Variants in DNAH14 observed in about 807,000 individuals in gnomAD.
DNAH14 encodes axonemal beta dynein heavy chain 14.
Under a neutral mutation model 520.9 loss-of-function variants are expected in DNAH14, and 478 were observed. The ratio of observed to expected loss-of-function variants is 0.92; its 90% CI spans 0.85 to 0.99. The LOEUF (loss-of-function observed/expected upper bound fraction) is 0.99, where lower values mean the gene tolerates loss of function less well. Among genes scored for constraint, DNAH14 ranks in the 50% least tolerant of loss-of-function variants. DNAH14 has a pLI of 0.00. For missense variants in DNAH14, 4,831 were observed against 5,234.5 expected (o/e 0.92, Z 2.38); for synonymous variants, 1,581 against 1,757.2 (o/e 0.90, Z 2.51).
intron 7 of DNAH14, among the ~76,000 whole-genome samples, chr1:224,972,752 A>G (rs2061576368): frequency 1.3e-5 from 2 of 152,054 alleles, no homozygotes; most frequent in Non-Finnish European, 2.9e-5. Flanking sequence ...GGTGTGAGCC[A>G]CCGCGCTTGG....
At chr1:224,978,393 A>G (rs985402479) in intron 8 of DNAH14, among the ~76,000 whole-genome samples, 1 of 152,238 alleles carries the variant, frequency 6.6e-6, no homozygotes, top group Non-Finnish European at 1.5e-5. Context: ...TGTTAAGTTA[A>G]ATAAGTCAGG....
intron 60 of DNAH14, among the ~76,000 whole-genome samples, chr1:225,315,586 T>C (rs1456478808): frequency 6.6e-6 from 1 of 152,198 alleles, no homozygotes; most frequent in Non-Finnish European, 1.5e-5. Context: ...TTTATCTACC[T>C]GTGGTCTTTG....
chr1:225,240,925 T>A, intron 43 of DNAH14, 103 bp downstream of exon 43: 2 of 923,858 alleles, frequency 2.2e-6, no homozygotes, highest in Admixed American at 2.9e-5. Flanking sequence ...AATGTTAAGA[T>A]TGAAGGAAAA....
chr1:225,077,148 C>T (rs181237432), intron 17 of DNAH14, among the ~76,000 whole-genome samples: 21 of 152,258 alleles, frequency 1.4e-4, no homozygotes, highest in Admixed American at 1.2e-3. Context: ...TTATCAAATG[C>T]TTATTCATTA....
At chr1:225,051,978 A>G (rs570751010) in intron 17 of DNAH14, among the ~76,000 whole-genome samples, 183 bp downstream of exon 17, 2 of 152,328 alleles carry the variant, frequency 1.3e-5, no homozygotes, top group South Asian at 4.1e-4. Flanking sequence ...ATTTGTTTGT[A>G]TCTTTGATAA....
intron 38 of DNAH14, among the ~76,000 whole-genome samples, chr1:225,201,255 T>C (rs1031075456): frequency 5.9e-5 from 9 of 152,110 alleles, no homozygotes; most frequent in Non-Finnish European, 1.3e-4. Context: ...ATTAAAAATG[T>C]ATCCCCTCAT....
intron 1 of DNAH14, among the ~76,000 whole-genome samples, chr1:224,942,304 C>T (rs1291824514): frequency 6.6e-6 from 1 of 151,686 alleles, no homozygotes; most frequent in Non-Finnish European, 1.5e-5. Context: ...ATTTGGCTCT[C>T]TGTCCGTTAT....
chr1:225,206,106 G>A lies in DNAH14; in HGVS notation c.6113G>A (p.Arg2038Lys). Reference sequence around the variant, plus strand: ...AGAATAGCTTTAACTAATAAAATAAGAGTGATTTTTGAAGTGGACAATCTC... The same window carrying A: ...AGAATAGCTTTAACTAATAAAATAAAAGTGATTTTTGAAGTGGACAATCTC... Reference protein sequence around the residue: ...SERIALTNKIRVIFEVDNLSQ... With the variant: ...SERIALTNKIKVIFEVDNLSQ... The change falls in exon 40 of 86, where the codon AGA (arginine) becomes AAA (lysine). Residue 2038 changes from arginine to lysine, a missense_variant. Physicochemically the swap from Arg to Lys is conservative, Grantham distance 26. Coordinates refer to ENST00000682510, the MANE Select transcript of DNAH14 (RefSeq NM_001367479.1). The A allele has an allele frequency of 6.4e-7, 1 of 1,551,502 alleles. No individual in the cohort carries two copies. Among genetic ancestry groups the A allele is most frequent in the Non-Finnish European group, 8.7e-7 (1 of 1,146,842 alleles).
At chr1:225,269,688 A>T (rs376751947) in intron 49 of DNAH14, among the ~76,000 whole-genome samples, 1 of 152,202 alleles carries the variant, frequency 6.6e-6, no homozygotes, top group Non-Finnish European at 1.5e-5. Context: ...CAGACACTTC[A>T]CAAAAGAAGA....
At chr1:225,347,992 C>T (rs1381086328) in intron 71 of DNAH14, among the ~76,000 whole-genome samples, 5 of 151,976 alleles carry the variant, frequency 3.3e-5, no homozygotes, top group African/African-American at 1.2e-4. Flanking sequence ...TTAAATGATG[C>T]ATGAACAAAA....
At chr1:225,039,983 G>A (rs2067318665) in intron 12 of DNAH14, among the ~76,000 whole-genome samples, 2 of 146,918 alleles carry the variant, frequency 1.4e-5, no homozygotes, top group African/African-American at 5.1e-5. Context: ...TGTCTCCCAG[G>A]CTGGAGTGCT....
At chr1:225,078,182 G>A (rs773639796) in intron 17 of DNAH14, among the ~76,000 whole-genome samples, 19 of 152,238 alleles carry the variant, frequency 1.2e-4, no homozygotes, top group Middle Eastern at 3.4e-3. Context: ...ATAATGGGAC[G>A]TGGAATCAAT....
At chr1:225,322,164 C>T (rs1330262358) in intron 61 of DNAH14, among the ~76,000 whole-genome samples, 3 of 138,912 alleles carry the variant, frequency 2.2e-5, no homozygotes, top group Admixed American at 8.1e-5. Context: ...GATCTTGGCT[C>T]AGTCCAGCCT....
At chr1:225,250,749 A>G in intron 43 of DNAH14, 1 of 496,678 alleles carries the variant, frequency 2.0e-6, no homozygotes, top group Non-Finnish European at 3.7e-6. Context: ...GGAATGGGCA[A>G]AGCAGTGTAA....
At chr1:225,314,971 T>C (rs1409754226) in intron 60 of DNAH14, among the ~76,000 whole-genome samples, 1 of 152,210 alleles carries the variant, frequency 6.6e-6, no homozygotes, top group Non-Finnish European at 1.5e-5. Context: ...TTCCTGGATT[T>C]GAATGTTGGC....
chr1:224,993,321 C>T (rs2063180025), intron 8 of DNAH14, among the ~76,000 whole-genome samples: 2 of 151,960 alleles, frequency 1.3e-5, no homozygotes, highest in Admixed American at 6.6e-5. Context: ...TGTGAAGCAA[C>T]CAGGTCCTGC....
chr1:225,252,441 A>T, intron 44 of DNAH14, 24 bp downstream of exon 44: 1 of 1,277,396 alleles, frequency 7.8e-7, no homozygotes, highest in Non-Finnish European at 1.1e-6. Flanking sequence ...TAAGAATCAT[A>T]CTTGTAACGT....
chr1:224,991,084 C>CTTGTTTTTTTTT (rs2063000762), intron 8 of DNAH14, among the ~76,000 whole-genome samples: 1 of 77,900 alleles, frequency 1.3e-5, no homozygotes, highest in Non-Finnish European at 2.8e-5. Context: ...TGATGTTGAG[C>CTTGTTTTTTTTT]TTTTTTTTTT....
intron 8 of DNAH14, among the ~76,000 whole-genome samples, chr1:224,989,723 GC>G (rs1474688236): frequency 6.6e-6 from 1 of 152,064 alleles, no homozygotes. Flanking sequence ...TCAAGTTGAG[GC>G]AGTTTCTCTC....
Sources: gnomAD v4.1 joint callset for allele counts (sites outside exome capture counted in the v4.1 genomes callset) on GRCh38, gnomAD v4.1.1 for gene constraint, MANE v1.5 for transcripts, NCBI Gene and HGNC (gene_info 2026-07-23, HGNC 2026-07-21) for gene names.